The following KCNAB1 variants were observed in gnomAD, a reference collection of about 807,000 sequenced individuals.
The protein encoded by KCNAB1 is voltage-gated potassium channel subunit beta-1.
A neutral mutation model predicts 64.6 loss-of-function variants in KCNAB1; 35 were observed. The observed-to-expected ratio is 0.54, with a 90% CI of 0.41 to 0.72. The LOEUF is 0.72. KCNAB1 is among the 30% of genes least tolerant of loss of function. The pLI, the probability that KCNAB1 is intolerant of heterozygous loss-of-function variation, is 0.00. For missense variants in KCNAB1, 401 were observed against 512.9 expected, an observed-to-expected ratio of 0.78 and a Z score of 2.11; for synonymous variants, 177 against 183.8, an observed-to-expected ratio of 0.96 and a Z score of 0.30.
At chr3:156,155,071 T>A (rs1298432250) in intron 1 of KCNAB1, among the ~76,000 whole-genome samples, 1 of 152,216 alleles carries the variant, frequency 6.6e-6, no homozygotes, top group Non-Finnish European at 1.5e-5. Context: ...AAAAACAGGT[T>A]CATGCAGCCA....
chr3:156,163,795 T>C (rs552167476), intron 1 of KCNAB1, among the ~76,000 whole-genome samples: 1 of 152,344 alleles, frequency 6.6e-6, no homozygotes, highest in African/African-American at 2.4e-5. Flanking sequence ...AAGTCAACTT[T>C]TATCTTGTTA....
intron 1 of KCNAB1, among the ~76,000 whole-genome samples, chr3:156,342,621 T>TA (rs1724216501): frequency 6.7e-6 from 1 of 148,340 alleles, no homozygotes; most frequent in African/African-American, 2.5e-5. Flanking sequence ...TTTTTTTTTT[T>TA]TTATTATACT....
chr3:156,137,636 A>G (rs760143177), intron 1 of KCNAB1, among the ~76,000 whole-genome samples: 1 of 141,070 alleles, frequency 7.1e-6, no homozygotes, highest in Non-Finnish European at 1.5e-5. Flanking sequence ...CCCCGCCCCC[A>G]CCAGGTTCAA....
chr3:156,423,829 G>A (rs535274197), intron 2 of KCNAB1, among the ~76,000 whole-genome samples: 140 of 152,260 alleles, frequency 9.2e-4, no homozygotes, highest in Non-Finnish European at 1.3e-3. Context: ...AGGAAAATGA[G>A]CCAGGAGCTA....
At chr3:156,511,718 T>G (rs906226199) in intron 8 of KCNAB1, among the ~76,000 whole-genome samples, 1 of 152,228 alleles carries the variant, frequency 6.6e-6, no homozygotes, top group African/African-American at 2.4e-5. Flanking sequence ...TCTTTCTACT[T>G]CCTCCAGTCC....
intron 1 of KCNAB1, among the ~76,000 whole-genome samples, chr3:156,246,892 G>C (rs1244482086): frequency 6.6e-6 from 1 of 152,132 alleles, no homozygotes; most frequent in Non-Finnish European, 1.5e-5. Context: ...TAAGTGCTCT[G>C]TAACCTTTTG....
intron 1 of KCNAB1, among the ~76,000 whole-genome samples, chr3:156,228,453 G>A (rs758321284): frequency 6.6e-6 from 1 of 152,198 alleles, no homozygotes; most frequent in African/African-American, 2.4e-5. Flanking sequence ...TCCCTGAAAT[G>A]CATCTCATGT....
At chr3:156,191,306 A>C (rs1713545939) in intron 1 of KCNAB1, among the ~76,000 whole-genome samples, 1 of 152,156 alleles carries the variant, frequency 6.6e-6, no homozygotes, top group African/African-American at 2.4e-5. Context: ...TAGGGAACCT[A>C]CTCTGCAAGG....
intron 11 of KCNAB1, among the ~76,000 whole-genome samples, chr3:156,516,740 A>T (rs1243317670): frequency 6.6e-6 from 1 of 152,222 alleles, no homozygotes; most frequent in Non-Finnish European, 1.5e-5. Flanking sequence ...TTCTTACATT[A>T]TTTCCTTTTC....
At chr3:156,390,965 T>A (rs1376805262) in intron 1 of KCNAB1, among the ~76,000 whole-genome samples, 1 of 152,162 alleles carries the variant, frequency 6.6e-6, no homozygotes, top group Non-Finnish European at 1.5e-5. Context: ...AAGAGCAGTC[T>A]GTAAATGTCT....
chr3:156,416,365 T>C (rs1244530674), intron 1 of KCNAB1, among the ~76,000 whole-genome samples: 1 of 152,220 alleles, frequency 6.6e-6, no homozygotes, highest in Non-Finnish European at 1.5e-5. Flanking sequence ...GCCTAGAACG[T>C]ATTTCAGTTC....
At chr3:156,427,020 G>C (rs1455196129) in intron 2 of KCNAB1, among the ~76,000 whole-genome samples, 5 of 152,322 alleles carry the variant, frequency 3.3e-5, no homozygotes, top group African/African-American at 9.6e-5. Flanking sequence ...AGGAGTTGAT[G>C]ATGAGGCAGT....
At chr3:156,292,599 G>C (rs1257311642) in intron 1 of KCNAB1, among the ~76,000 whole-genome samples, 1 of 152,104 alleles carries the variant, frequency 6.6e-6, no homozygotes, top group Non-Finnish European at 1.5e-5. Flanking sequence ...GTGCAGTGGT[G>C]CGATCTGGGC....
intron 1 of KCNAB1, among the ~76,000 whole-genome samples, chr3:156,199,879 C>T (rs569197394): frequency 6.6e-6 from 1 of 152,196 alleles, no homozygotes; most frequent in African/African-American, 2.4e-5. Flanking sequence ...AAGTTGTGAT[C>T]CTTTGGAGGA....
chr3:156,121,427 G>A lies in KCNAB1; in HGVS notation c.275+541G>A, dbSNP rs140897562. Among the ~76,000 whole-genome samples, 773 of 152,216 alleles carry A rather than the reference G, an allele frequency of 5.1e-3. 3 individuals are homozygous for A. The highest frequency in any genetic ancestry group is 5.6e-3 in the Non-Finnish European group (378 of 68,022). On this transcript the variant is annotated intron_variant, in intron 1 of 13. Coordinates refer to ENST00000490337, the MANE Select transcript of KCNAB1 (RefSeq NM_172160.3). ...CCGTGTCTAAGACAGATAACATCAGGAGAAAAAGGTAACTTTTAAAAAAGA... is the reference window on the plus strand; with the variant it reads ...CCGTGTCTAAGACAGATAACATCAGAAGAAAAAGGTAACTTTTAAAAAAGA...
intron 1 of KCNAB1, among the ~76,000 whole-genome samples, chr3:156,293,636 T>C (rs1720598861): frequency 6.6e-6 from 1 of 152,268 alleles, no homozygotes; most frequent in Non-Finnish European, 1.5e-5. Flanking sequence ...TTACCCCAGC[T>C]GCAGTACAAA....
At chr3:156,491,999 G>A (rs966952333) in intron 8 of KCNAB1, among the ~76,000 whole-genome samples, 2 of 152,040 alleles carry the variant, frequency 1.3e-5, no homozygotes, top group African/African-American at 4.8e-5. Flanking sequence ...TCAAGACACA[G>A]ACAAGAATGT....
At chr3:156,300,288 G>T (rs971603711) in intron 1 of KCNAB1, among the ~76,000 whole-genome samples, 1 of 152,164 alleles carries the variant, frequency 6.6e-6, no homozygotes, top group Admixed American at 6.5e-5. Context: ...TTCTTGTCCT[G>T]TCCTCTGTTG....
chr3:156,255,398 T>C (rs1718044369), intron 1 of KCNAB1, among the ~76,000 whole-genome samples: 1 of 152,190 alleles, frequency 6.6e-6, no homozygotes, highest in East Asian at 1.9e-4. Flanking sequence ...GACTGTGGTG[T>C]TCAAAATAAT....
Sources: gnomAD v4.1 joint callset for allele counts (sites outside exome capture counted in the v4.1 genomes callset) on GRCh38, gnomAD v4.1.1 for gene constraint, MANE v1.5 for transcripts, NCBI Gene and HGNC (gene_info 2026-07-23, HGNC 2026-07-21) for gene names.